Variants in PAF1 observed in about 807,000 individuals in gnomAD.
The protein encoded by PAF1 is PAF1 component of Paf1/RNA polymerase II complex, also known as RNA polymerase II-associated factor 1 homolog.
PAF1 carries 31 observed loss-of-function variants against 68.4 expected under a neutral mutation model. That is an observed-to-expected ratio of 0.45 (90% CI 0.34 to 0.61). The LOEUF is 0.61. Among genes scored for constraint, PAF1 ranks in the 20% least tolerant of loss-of-function variants. The pLI, the probability that PAF1 is intolerant of heterozygous loss-of-function variation, is 0.01. For synonymous variants in PAF1, 256 were observed against 240.5 expected (o/e 1.06, Z -0.60); for missense variants, 435 against 692.9 (o/e 0.63, Z 4.18).
chr19:39,386,970 G>A lies in PAF1; in HGVS notation c.987-171C>T, dbSNP rs1442857348. Among the ~76,000 whole-genome samples the A allele has an allele frequency of 6.6e-6, 1 of 152,188 alleles. No individual in the cohort carries two copies. The highest frequency in any genetic ancestry group is 1.5e-5 in the Non-Finnish European group (1 of 68,026). ...GGGCAGCTAAGCTCAAGGTATTGAG[G>A]GCAGGGGAAAGGAAGGATGGCTCCC... On this transcript the variant is annotated intron_variant, in intron 11 of 13. Transcript: ENST00000221265. This position sits in a 1 kb window ranked among gnomAD's most constrained non-coding sequence, Gnocchi z 6.1.
Position 39,390,309 on chromosome 19 carries a change from C to T in PAF1, c.48-20G>A. On this transcript the variant is annotated intron_variant, in intron 1 of 13. Coordinates refer to ENST00000221265, the MANE Select transcript of PAF1 (RefSeq NM_019088.4). ...TTGGGCCTAGTGGAGAAGAAAGAAACAGTGATAGGTGGAGAGGACGGGATT... is the reference window on the plus strand; with the variant it reads ...TTGGGCCTAGTGGAGAAGAAAGAAATAGTGATAGGTGGAGAGGACGGGATT... 4 of 1,605,622 alleles carry T rather than the reference C, an allele frequency of 2.5e-6. No individual in the cohort carries two copies. Among genetic ancestry groups the T allele is most frequent in the Non-Finnish European group, 2.6e-6 (3 of 1,175,850 alleles).
rs746768996 is a variant in PAF1 at position 39,388,321 on chromosome 19, T to C, written c.986+18A>G. The C allele has an allele frequency of 6.2e-7, 1 of 1,613,766 alleles. No individual in the cohort carries two copies. Among genetic ancestry groups the C allele is most frequent in the Non-Finnish European group, 8.5e-7 (1 of 1,179,728 alleles). On this transcript the variant is annotated intron_variant, in intron 11 of 13. Coordinates refer to ENST00000221265, the MANE Select transcript of PAF1 (RefSeq NM_019088.4). Reference sequence around the variant, plus strand: ...GAAGCACAGATCCAGGCTAATCAGATAGGAGTGTGCTGAGTACCTGGTTTC... The same window carrying C: ...GAAGCACAGATCCAGGCTAATCAGACAGGAGTGTGCTGAGTACCTGGTTTC...
In PAF1 at chr19:39,390,139, TGACTC is replaced by T. The variant is rs1422691781; in HGVS notation, c.95_99del (p.Arg32GlnfsTer5). ...ATATCAGGGAGGCTATTGCAGTACTTGACTCGGCAGACCACTCCAGACCTAGGAAC... is the reference window on the plus strand; with the variant it reads ...ATATCAGGGAGGCTATTGCAGTACTTGGCAGACCACTCCAGACCTAGGAAC... On this transcript the variant is annotated frameshift_variant, in exon 3 of 14. Coordinates refer to ENST00000221265, the MANE Select transcript of PAF1 (RefSeq NM_019088.4). LOFTEE classifies it high-confidence loss of function. 2 of 1,614,070 alleles carry T rather than the reference TGACTC, an allele frequency of 1.2e-6. No individual in the cohort carries two copies. Among genetic ancestry groups the T allele is most frequent in the Non-Finnish European group, 1.7e-6 (2 of 1,179,972 alleles).
chr19:39,387,848 G>A (rs776604512), intron 11 of PAF1, among the ~76,000 whole-genome samples: 84 of 152,306 alleles, frequency 5.5e-4, no homozygotes, highest in Non-Finnish European at 9.7e-4. Context: ...CCTGCATTAA[G>A]ATATTCTGGC....
chr19:39,389,940 T>C lies in PAF1; in HGVS notation c.170+129A>G. The C allele has an allele frequency of 2.8e-6, 3 of 1,057,176 alleles. No homozygotes were observed. The highest frequency in any genetic ancestry group is 4.3e-6 in the Non-Finnish European group (3 of 690,228). The allele number at this position is 1,057,176 out of a possible 1,614,324, so 65.5% of individuals were successfully genotyped here. A position where few individuals can be genotyped will look rare whatever the true frequency, so the allele number is the denominator to read the frequency against. On this transcript the variant is annotated intron_variant, in intron 3 of 13. Transcript: ENST00000221265. This position sits in a 1 kb window ranked among gnomAD's most constrained non-coding sequence, Gnocchi z 5.3. ...GGACACTGCTTGCTCCATTAACAAT[T>C]GAGCAGCTACTACTATGTGCTAGGG... is the stretch of plus-strand genomic sequence containing the variant.
chr19:39,386,644 A>C lies in PAF1; in HGVS notation c.1092+50T>G, dbSNP rs2078257258. ...GGTTTTTGTCCCCCTCCTCACCTAC[A>C]ACCACCACCCTCCCTGCCATGGGTG... On this transcript the variant is annotated intron_variant, in intron 12 of 13. Coordinates refer to ENST00000221265, the MANE Select transcript of PAF1 (RefSeq NM_019088.4). The surrounding 1 kb of genome is among the most constrained non-coding windows in gnomAD (Gnocchi z 6.1). The C allele has an allele frequency of 1.3e-6, 2 of 1,599,278 alleles. No homozygotes were observed. The highest frequency in any genetic ancestry group is 1.3e-5 in the African/African-American group (1 of 74,514).
Position 39,386,431 on chromosome 19 carries a change from C to T in PAF1, c.1184-28G>A, listed in dbSNP as rs755449248. ...GGAAGGGAGTGGAGAGAGATGAAAC[C>T]CACTTTTCCACCCTCCCAGGGCTCC... is the stretch of plus-strand genomic sequence containing the variant. On this transcript the variant is annotated intron_variant, in intron 13 of 13. Coordinates refer to ENST00000221265, the MANE Select transcript of PAF1 (RefSeq NM_019088.4). The surrounding 1 kb of genome is among the most constrained non-coding windows in gnomAD (Gnocchi z 6.1). 6.2e-7 allele frequency: 1 copy of T among 1,614,066 alleles called. No homozygotes were observed. The highest frequency in any genetic ancestry group is 8.5e-7 in the Non-Finnish European group (1 of 1,179,970).
chr19:39,389,679 C>A lies in PAF1; in HGVS notation c.253G>T (p.Asp85Tyr). The change falls in exon 4 of 14, where the codon GAT becomes TAT. Residue 85 changes from aspartate to tyrosine, a missense_variant. Around this residue, in one of 7 missense-constraint regions of PAF1, gnomAD observed 77 missense variants for 118.2 expected, o/e 0.65. Coordinates refer to ENST00000221265, the MANE Select transcript of PAF1 (RefSeq NM_019088.4). This position sits in a 1 kb window ranked among gnomAD's most constrained non-coding sequence, Gnocchi z 5.3. ...CGGTAGGTGTCAGGATTGATGAGATCGATGGTGACCCCCAGGTCTGGCTCA... is the reference window on the plus strand; with the variant it reads ...CGGTAGGTGTCAGGATTGATGAGATAGATGGTGACCCCCAGGTCTGGCTCA... ...LTEPDLGVTIDLINPDTYRID... is the reference protein window; with the variant it reads ...LTEPDLGVTIYLINPDTYRID... The A allele has an allele frequency of 6.2e-7, 1 of 1,614,106 alleles. No homozygotes were observed. Among genetic ancestry groups the A allele is most frequent in the Non-Finnish European group, 8.5e-7 (1 of 1,180,000 alleles).
rs568689838 is a variant in PAF1 at position 39,388,249 on chromosome 19, G to A, written c.986+90C>T. The A allele has an allele frequency of 1.4e-4, 176 of 1,292,508 alleles. No individual in the cohort carries two copies. The African/African-American group carries it at 2.4e-3, about 17-fold the overall frequency. The allele number at this position is 1,292,508 out of a possible 1,614,324, so 80.1% of individuals were successfully genotyped here. A position where few individuals can be genotyped will look rare whatever the true frequency, so the allele number is the denominator to read the frequency against. ...TACCAATGCATATGACAAATTCTTAGGTACAAATGACCTCCAAGGTGGCTC... is the reference window on the plus strand; with the variant it reads ...TACCAATGCATATGACAAATTCTTAAGTACAAATGACCTCCAAGGTGGCTC... On this transcript the variant is annotated intron_variant, in intron 11 of 13. Transcript: ENST00000221265.
chr19:39,390,209 G>A lies in PAF1; in HGVS notation c.78-48C>T, dbSNP rs529455030. ...AGTGGGCCCCCGCTGCCCCACCTCTGCTCCCAGCCCCACTGCCCCACCGCT... is the reference window on the plus strand; with the variant it reads ...AGTGGGCCCCCGCTGCCCCACCTCTACTCCCAGCCCCACTGCCCCACCGCT... On this transcript the variant is annotated intron_variant, in intron 2 of 13. Coordinates refer to ENST00000221265, the MANE Select transcript of PAF1 (RefSeq NM_019088.4). 8.3e-5 allele frequency: 133 copies of A among 1,612,006 alleles called. No homozygotes were observed. In the South Asian group the frequency reaches 1.4e-3, roughly 17 times the overall value.
chr19:39,388,536 A>G, intron 10 of PAF1, 24 bp downstream of exon 10: 1 of 1,613,666 alleles, frequency 6.2e-7, no homozygotes, highest in Non-Finnish European at 8.5e-7. Flanking sequence ...CCCAATCCCC[A>G]AAACTTAACC....
rs779946555 is a variant in PAF1, at chr19:39,386,653, C to T, written c.1092+41G>A. ...CCCCCTCCTCACCTACAACCACCAC[C>T]CTCCCTGCCATGGGTGCCCTGAGCC... On this transcript the variant is annotated intron_variant, in intron 12 of 13. Coordinates refer to ENST00000221265, the MANE Select transcript of PAF1 (RefSeq NM_019088.4). This position sits in a 1 kb window ranked among gnomAD's most constrained non-coding sequence, Gnocchi z 6.1. 6.3e-7 allele frequency: 1 copy of T among 1,597,234 alleles called. No homozygotes were observed. Among genetic ancestry groups the T allele is most frequent in the East Asian group, 2.2e-5 (1 of 44,818 alleles).
Position 39,389,998 on chromosome 19 carries a change from G to A in PAF1, c.170+71C>T, listed in dbSNP as rs1352167187. 1 of 1,287,692 alleles carries A rather than the reference G, an allele frequency of 7.8e-7. No individual in the cohort carries two copies. The highest frequency in any genetic ancestry group is 2.3e-5 in the East Asian group (1 of 43,354). The allele number at this position is 1,287,692 out of a possible 1,614,324, so 79.8% of individuals were successfully genotyped here. On this transcript the variant is annotated intron_variant, in intron 3 of 13. Transcript: ENST00000221265. The surrounding 1 kb of genome is among the most constrained non-coding windows in gnomAD (Gnocchi z 5.3). Reference sequence around the variant, plus strand: ...TGTGCTAGGCCCTGAGCAGACAGCAGCCAACGAGACAAGCAGTCCCTGCCT... The same window carrying A: ...TGTGCTAGGCCCTGAGCAGACAGCAACCAACGAGACAAGCAGTCCCTGCCT...
At position 39,385,753 on chromosome 19, in the gene PAF1, G is replaced by C. The variant is rs2145920460; in HGVS notation, c.*238C>G. 1 of 603,756 alleles carries C rather than the reference G, an allele frequency of 1.7e-6. No homozygotes were observed. The highest frequency in any genetic ancestry group is 3.2e-4 in the Middle Eastern group (1 of 3,082). 37.4% of individuals were successfully genotyped at this position (603,756 alleles called of 1,614,324 possible). A position where few individuals can be genotyped will look rare whatever the true frequency, so the allele number is the denominator to read the frequency against. ...TGGGAAACCATTGGCCCTGCCTCTG[G>C]CCTGTGTTTCTAAGCCTCAAGCCAA... is the stretch of plus-strand genomic sequence containing the variant. On this transcript the variant is annotated 3_prime_UTR_variant, in exon 14 of 14. Transcript: ENST00000221265.
chr19:39,389,838 T>G lies in PAF1; in HGVS notation c.171-77A>C, dbSNP rs1285993773. ...CAGCCCTGCTTCCCAGAGGCGGAGC[T>G]TCTCTGGGGAGGAACTCAGAATGAA... is the stretch of plus-strand genomic sequence containing the variant. On this transcript the variant is annotated intron_variant, in intron 3 of 13. Coordinates refer to ENST00000221265, the MANE Select transcript of PAF1 (RefSeq NM_019088.4). The surrounding 1 kb of genome is among the most constrained non-coding windows in gnomAD (Gnocchi z 5.3). 14 of 1,576,636 alleles carry G rather than the reference T, an allele frequency of 8.9e-6. No homozygotes were observed. The Middle Eastern group carries it at 6.1e-4, about 68-fold the overall frequency.
chr19:39,391,058 C>T lies in PAF1; in HGVS notation c.-194G>A, dbSNP rs578208386. ...GACTCAGGTGAACGCGCAGGCAGCA[C>T]CGGGGACGGACTCGAAGCTCCGGTT... On this transcript the variant is annotated 5_prime_UTR_variant, in exon 1 of 14. The change creates a new upstream start codon in the 5' untranslated region. Transcript: ENST00000221265. 2.0e-4 allele frequency: 125 copies of T among 637,748 alleles called. 1 individual carries two copies. In the East Asian group the frequency reaches 2.6e-3, roughly 13 times the overall value. The allele number at this position is 637,748 out of a possible 1,614,324, so 39.5% of individuals were successfully genotyped here.
chr19:39,389,901 G>T lies in PAF1; in HGVS notation c.171-140C>A. 8.1e-7 allele frequency: 1 copy of T among 1,228,588 alleles called. No individual in the cohort carries two copies. Among genetic ancestry groups the T allele is most frequent in the Non-Finnish European group, 1.2e-6 (1 of 841,502 alleles). 76.1% of individuals were successfully genotyped at this position (1,228,588 alleles called of 1,614,324 possible). A position where few individuals can be genotyped will look rare whatever the true frequency, so the allele number is the denominator to read the frequency against. ...GCAGAGTCTGAAAGCTGGCTCCCCA[G>T]TGGGAAGGGACTTGGACACTGCTTG... On this transcript the variant is annotated intron_variant, in intron 3 of 13. Coordinates refer to ENST00000221265, the MANE Select transcript of PAF1 (RefSeq NM_019088.4). The surrounding 1 kb of genome is among the most constrained non-coding windows in gnomAD (Gnocchi z 5.3).
chr19:39,385,811 T>A lies in PAF1; in HGVS notation c.*180A>T, dbSNP rs2078232984. ...GAGCACCTGGGGGTTGCGGGAGGTA[T>A]GTGCTGGGCTGAATGACATCATAGG... On this transcript the variant is annotated 3_prime_UTR_variant, in exon 14 of 14. Transcript: ENST00000221265. 1.1e-6 allele frequency: 1 copy of A among 876,126 alleles called. No individual in the cohort carries two copies. 54.3% of individuals were successfully genotyped at this position (876,126 alleles called of 1,614,324 possible).
rs1263447964 is a variant in PAF1 at position 39,389,605 on chromosome 19, G to GACCT, written c.292+31_292+34dup. ...GGAGGCCCAGGCCTGAGCCTTTGCT[G>GACCT]ACCTAGAGCAGACCCTCCCTGTCTC... On this transcript the variant is annotated intron_variant, in intron 4 of 13. Coordinates refer to ENST00000221265, the MANE Select transcript of PAF1 (RefSeq NM_019088.4). This position sits in a 1 kb window ranked among gnomAD's most constrained non-coding sequence, Gnocchi z 5.3. The GACCT allele has an allele frequency of 1.9e-6, 3 of 1,614,150 alleles. No homozygotes were observed. Among genetic ancestry groups the GACCT allele is most frequent in the African/African-American group, 1.3e-5 (1 of 75,050 alleles).
Sources: allele counts gnomAD v4.1 joint callset (sites outside exome capture counted in the v4.1 genomes callset), GRCh38; gene constraint gnomAD v4.1.1; regional missense constraint gnomAD v4.1.1; non-coding constraint Gnocchi (gnomAD v3.1); transcripts MANE v1.5; gene names NCBI Gene and HGNC (gene_info 2026-07-23, HGNC 2026-07-21).